LRRTM3: variants seen among roughly 807,000 people sequenced by gnomAD.
LRRTM3 encodes the protein leucine rich repeat transmembrane neuronal 3.
A neutral mutation model predicts 44.7 loss-of-function variants in LRRTM3; 24 were observed. The ratio of observed to expected loss-of-function variants is 0.54; its 90% CI spans 0.39 to 0.76. The LOEUF is 0.76. Among genes scored for constraint, LRRTM3 ranks in the 30% least tolerant of loss-of-function variants. The pLI is 0.00. For synonymous variants in LRRTM3, 277 were observed against 278.7 expected (o/e 0.99, Z 0.06); for missense variants, 587 against 702.2 (o/e 0.84, Z 1.85).
chr10:67,051,311 A>T (rs188662100), intron 2 of LRRTM3, among the ~76,000 whole-genome samples: 7 of 152,262 alleles, frequency 4.6e-5, no homozygotes, highest in Admixed American at 4.6e-4. Flanking sequence ...ATGTCTTCAC[A>T]ATTGTACTCT....
chr10:67,090,196 C>T (rs1447293121), intron 2 of LRRTM3, among the ~76,000 whole-genome samples: 1 of 151,924 alleles, frequency 6.6e-6, no homozygotes, highest in Non-Finnish European at 1.5e-5. Flanking sequence ...TGAGTGTTTT[C>T]GAGATTGGAC....
intron 2 of LRRTM3, among the ~76,000 whole-genome samples, chr10:67,069,470 C>A (rs551604284): frequency 1.3e-5 from 2 of 151,960 alleles, no homozygotes; most frequent in East Asian, 3.9e-4. Context: ...GTATACATAT[C>A]ATGATGGTGA....
At chr10:67,046,343 T>C (rs1206774565) in intron 2 of LRRTM3, among the ~76,000 whole-genome samples, 3 of 152,212 alleles carry the variant, frequency 2.0e-5, no homozygotes, top group Admixed American at 6.5e-5. Flanking sequence ...AGTTTCAGCA[T>C]ATGAGCACAG....
At chr10:66,955,231 G>T (rs1017684760) in intron 2 of LRRTM3, among the ~76,000 whole-genome samples, 2 of 151,674 alleles carry the variant, frequency 1.3e-5, no homozygotes, top group Non-Finnish European at 2.9e-5. Context: ...ACAGGAAAAT[G>T]GATGTTATAT....
At chr10:67,066,995 T>A (rs1422411608) in intron 2 of LRRTM3, among the ~76,000 whole-genome samples, 1 of 152,166 alleles carries the variant, frequency 6.6e-6, no homozygotes. Context: ...GAAATTTATG[T>A]TTTTATAGGC....
chr10:66,963,745 C>A (rs1849249581), intron 2 of LRRTM3, among the ~76,000 whole-genome samples: 1 of 152,040 alleles, frequency 6.6e-6, no homozygotes, highest in Admixed American at 6.6e-5. Context: ...GAGACATTAT[C>A]ATCTGAAATG....
At chr10:67,045,686 G>A (rs1327023333) in intron 2 of LRRTM3, among the ~76,000 whole-genome samples, 2 of 152,150 alleles carry the variant, frequency 1.3e-5, no homozygotes, top group Non-Finnish European at 2.9e-5. Flanking sequence ...GGGATGGGGC[G>A]GCCCCCAGGC....
At chr10:66,943,412 C>A (rs983245013) in intron 2 of LRRTM3, among the ~76,000 whole-genome samples, 1 of 151,836 alleles carries the variant, frequency 6.6e-6, no homozygotes, top group Admixed American at 6.6e-5. Context: ...TCAAAAAGAC[C>A]ATCTTTTTAT....
At chr10:67,017,038 T>C (rs1430347435) in intron 2 of LRRTM3, among the ~76,000 whole-genome samples, 1 of 152,210 alleles carries the variant, frequency 6.6e-6, no homozygotes, top group Non-Finnish European at 1.5e-5. Flanking sequence ...CAGGTGTCTG[T>C]ACAAAAATTA....
chr10:67,048,453 C>T (rs1023459001), intron 2 of LRRTM3, among the ~76,000 whole-genome samples: 3 of 152,024 alleles, frequency 2.0e-5, no homozygotes, highest in African/African-American at 4.8e-5. Context: ...TTTTCATTCA[C>T]TGTCAGGTAC....
chr10:67,004,416 G>T (rs1422843409), intron 2 of LRRTM3, among the ~76,000 whole-genome samples: 4 of 152,318 alleles, frequency 2.6e-5, no homozygotes, highest in East Asian at 1.9e-4. Context: ...CTGTTAAAAT[G>T]ATGACACATG....
At chr10:67,032,033 G>T (rs1487803275) in intron 2 of LRRTM3, among the ~76,000 whole-genome samples, 1 of 152,118 alleles carries the variant, frequency 6.6e-6, no homozygotes, top group Non-Finnish European at 1.5e-5. Context: ...TGCATAATTT[G>T]TCTGCCTTCT....
At chr10:67,001,029 G>A (rs979444650) in intron 2 of LRRTM3, among the ~76,000 whole-genome samples, 1 of 152,096 alleles carries the variant, frequency 6.6e-6, no homozygotes, top group African/African-American at 2.4e-5. Flanking sequence ...TAGGCCAGGT[G>A]CAGTGGCTCA....
intron 2 of LRRTM3, among the ~76,000 whole-genome samples, chr10:67,035,064 C>G (rs1194168774): frequency 1.3e-5 from 2 of 152,184 alleles, no homozygotes; most frequent in Non-Finnish European, 2.9e-5. Context: ...TTTATGAATA[C>G]TGATAGCTCC....
At chr10:66,991,672 C>T (rs1175770334) in intron 2 of LRRTM3, among the ~76,000 whole-genome samples, 1 of 152,114 alleles carries the variant, frequency 6.6e-6, no homozygotes, top group Non-Finnish European at 1.5e-5. Flanking sequence ...CCGCCTCAGC[C>T]TCCTGAGTAG....
chr10:66,967,463 A>G (rs1447786682), intron 2 of LRRTM3, among the ~76,000 whole-genome samples: 1 of 151,956 alleles, frequency 6.6e-6, no homozygotes, highest in Non-Finnish European at 1.5e-5. Flanking sequence ...TAATTAATCA[A>G]TAATGGTCCC....
At chr10:67,039,616 G>T (rs79626851) in intron 2 of LRRTM3, among the ~76,000 whole-genome samples, 1,836 of 152,102 alleles carry the variant, frequency 0.012, 48 homozygotes, top group African/African-American at 0.042. Context: ...AATATCTAGA[G>T]GTTAGAGGTG....
At chr10:67,089,715 A>G (rs139051451) in intron 2 of LRRTM3, among the ~76,000 whole-genome samples, 3 of 93,264 alleles carry the variant, frequency 3.2e-5, no homozygotes, top group Non-Finnish European at 6.9e-5. Flanking sequence ...GTGTATATAC[A>G]TATGTGTGTG....
At chr10:67,003,799 T>G (rs935189421) in intron 2 of LRRTM3, among the ~76,000 whole-genome samples, 1 of 152,186 alleles carries the variant, frequency 6.6e-6, no homozygotes, top group Admixed American at 6.6e-5. Flanking sequence ...AGGTTAATTT[T>G]GTTAATAGAT....
Sources: allele counts gnomAD v4.1 joint callset (sites outside exome capture counted in the v4.1 genomes callset), GRCh38; gene constraint gnomAD v4.1.1; transcripts MANE v1.5; gene names NCBI Gene and HGNC (gene_info 2026-07-23, HGNC 2026-07-21).